The following CDC42SE2 variants were observed in gnomAD, a reference collection of about 807,000 sequenced individuals.
CDC42SE2 encodes CDC42 small effector 2, also known as CDC42 small effector protein 2.
In CDC42SE2, 3 loss-of-function variants were observed where a neutral mutation model predicts 11.5. The ratio of observed to expected loss-of-function variants is 0.26; its 90% CI spans 0.12 to 0.67. The LOEUF (loss-of-function observed/expected upper bound fraction) is 0.67, where lower values mean the gene tolerates loss of function less well. Among genes scored for constraint, CDC42SE2 ranks in the 30% least tolerant of loss-of-function variants. CDC42SE2 has a pLI of 0.80. For synonymous variants in CDC42SE2, 33 were observed against 34.8 expected (o/e 0.95, Z 0.18); for missense variants, 82 against 106.8 (o/e 0.77, Z 1.02).
chr5:131,273,312 C>T (rs1320680867), intron 1 of CDC42SE2, among the ~76,000 whole-genome samples: 3 of 149,568 alleles, frequency 2.0e-5, no homozygotes, highest in African/African-American at 4.9e-5. Flanking sequence ...CCCATCACCA[C>T]GCCCGGCTTA....
intron 1 of CDC42SE2, among the ~76,000 whole-genome samples, chr5:131,306,979 T>G (rs1221213889): frequency 2.6e-5 from 4 of 152,064 alleles, no homozygotes; most frequent in Admixed American, 2.6e-4. Context: ...GTTCTAACAG[T>G]TTTTTGGTGG....
At chr5:131,304,930 C>T (rs1343067482) in intron 1 of CDC42SE2, among the ~76,000 whole-genome samples, 1 of 152,086 alleles carries the variant, frequency 6.6e-6, no homozygotes, top group African/African-American at 2.4e-5. Flanking sequence ...TAAATTTTGG[C>T]ATGTGTATAT....
At chr5:131,372,114 G>T (rs745756848) in intron 3 of CDC42SE2, among the ~76,000 whole-genome samples, 2 of 152,066 alleles carry the variant, frequency 1.3e-5, no homozygotes, top group Admixed American at 1.3e-4. Flanking sequence ...ACTTATGCAT[G>T]TACCTGTTAT....
intron 1 of CDC42SE2, among the ~76,000 whole-genome samples, chr5:131,302,503 C>T (rs1055313427): frequency 1.3e-5 from 2 of 151,742 alleles, no homozygotes; most frequent in East Asian, 1.9e-4. Flanking sequence ...TTAATAGAGA[C>T]GGGGGTTTCA....
intron 2 of CDC42SE2, among the ~76,000 whole-genome samples, chr5:131,353,528 C>A (rs1749420897): frequency 6.6e-6 from 1 of 152,170 alleles, no homozygotes; most frequent in Non-Finnish European, 1.5e-5. Flanking sequence ...GTAATCCTCC[C>A]ACTTTAGCCT....
chr5:131,368,544 AG>A (rs573892459), intron 3 of CDC42SE2, among the ~76,000 whole-genome samples: 21 of 152,172 alleles, frequency 1.4e-4, no homozygotes, highest in Non-Finnish European at 2.6e-4. Context: ...GTTTTCCATA[AG>A]GCCTGTTGGG....
the CDC42SE2 span, among the ~76,000 whole-genome samples, chr5:131,217,648 T>G: frequency 6.6e-6 from 1 of 152,122 alleles, no homozygotes; most frequent in Non-Finnish European, 1.5e-5. Flanking sequence ...AATATCTTCA[T>G]GACTTTGGGG....
upstream of CDC42SE2, among the ~76,000 whole-genome samples, chr5:131,259,600 G>C (rs1756706431): frequency 6.6e-6 from 1 of 152,182 alleles, no homozygotes; most frequent in African/African-American, 2.4e-5. Flanking sequence ...ACACAGAACT[G>C]GTGGTTTCTT....
At chr5:131,253,934 G>A (rs2149684042) in intron 1 of CDC42SE2, among the ~76,000 whole-genome samples, 1 of 152,300 alleles carries the variant, frequency 6.6e-6, no homozygotes, top group Admixed American at 6.5e-5. Context: ...ATGTTCGGAT[G>A]TGTCCTATAT....
At chr5:131,298,152 G>A (rs1380666892) in intron 1 of CDC42SE2, among the ~76,000 whole-genome samples, 1 of 151,618 alleles carries the variant, frequency 6.6e-6, no homozygotes, top group Non-Finnish European at 1.5e-5. Flanking sequence ...GCCCAGGCTG[G>A]AGTGCAATGG....
At chr5:131,327,983 T>A (rs916449259) in intron 2 of CDC42SE2, among the ~76,000 whole-genome samples, 1 of 152,054 alleles carries the variant, frequency 6.6e-6, no homozygotes, top group African/African-American at 2.4e-5. Context: ...AAGTCCAAGA[T>A]CAACGGGCCA....
chr5:131,378,490 T>C (rs1750219481), intron 3 of CDC42SE2, among the ~76,000 whole-genome samples: 3 of 152,222 alleles, frequency 2.0e-5, no homozygotes, highest in Non-Finnish European at 4.4e-5. Flanking sequence ...AAAAAACTAA[T>C]GTAGCTTATT....
intron 1 of CDC42SE2, among the ~76,000 whole-genome samples, chr5:131,271,894 G>A (rs1757002692): frequency 6.6e-6 from 1 of 152,104 alleles, no homozygotes; most frequent in Admixed American, 6.6e-5. Context: ...CATACATCTG[G>A]GAAGTTGAGC....
chr5:131,269,918 G>T (rs928738989), intron 1 of CDC42SE2, among the ~76,000 whole-genome samples: 1 of 149,196 alleles, frequency 6.7e-6, no homozygotes, highest in Non-Finnish European at 1.5e-5. Context: ...AGAGTTAGCC[G>T]GGCGCGGTGG....
intron 2 of CDC42SE2, among the ~76,000 whole-genome samples, chr5:131,348,439 G>A (rs571361365): frequency 2.6e-5 from 4 of 152,286 alleles, no homozygotes; most frequent in Admixed American, 1.3e-4. Flanking sequence ...TACAAGGAAT[G>A]TGAAGGACCT....
chr5:131,357,759 T>C (rs976009968), intron 2 of CDC42SE2, among the ~76,000 whole-genome samples: 3 of 152,224 alleles, frequency 2.0e-5, no homozygotes, highest in African/African-American at 7.2e-5. Context: ...TATATCCATT[T>C]TTCTTGCAAA....
intron 1 of CDC42SE2, among the ~76,000 whole-genome samples, chr5:131,287,769 C>G (rs1418418262): frequency 6.6e-6 from 1 of 152,152 alleles, no homozygotes; most frequent in Non-Finnish European, 1.5e-5. Context: ...GCACCATATC[C>G]TACCGAAATT....
intron 2 of CDC42SE2, among the ~76,000 whole-genome samples, chr5:131,319,476 C>T (rs897504468): frequency 2.6e-5 from 4 of 152,136 alleles, no homozygotes; most frequent in African/African-American, 9.7e-5. Context: ...ACAGAGCTTG[C>T]ACTCTGTATA....
At chr5:131,272,312 C>T (rs1757010014) in intron 1 of CDC42SE2, among the ~76,000 whole-genome samples, 1 of 152,104 alleles carries the variant, frequency 6.6e-6, no homozygotes, top group African/African-American at 2.4e-5. Flanking sequence ...TGAGCCACTG[C>T]ACCTGGCCTA....
Sources: allele counts gnomAD v4.1 joint callset (sites outside exome capture counted in the v4.1 genomes callset), GRCh38; gene constraint gnomAD v4.1.1; transcripts MANE v1.5; gene names NCBI Gene and HGNC (gene_info 2026-07-23, HGNC 2026-07-21).